Variants in BIRC6 observed in about 807,000 individuals in gnomAD.
BIRC6 encodes dual E2 ubiquitin-conjugating enzyme/E3 ubiquitin-protein ligase BIRC6.
Under a neutral mutation model 503.3 loss-of-function variants are expected in BIRC6, and 98 were observed. That is an observed-to-expected ratio of 0.19 (90% CI 0.17 to 0.23). The LOEUF is 0.23. Ranked by LOEUF, BIRC6 falls within the 10% of genes least tolerant of loss-of-function variation. The pLI is 1.00. For synonymous variants in BIRC6, 2,240 were observed against 2,078.7 expected, an observed-to-expected ratio of 1.08 and a Z score of -2.11; for missense variants, 5,360 against 5,806.0, an observed-to-expected ratio of 0.92 and a Z score of 2.50.
chr2:32,405,703 A>G (rs1360871802), intron 8 of BIRC6, among the ~76,000 whole-genome samples: 1 of 152,222 alleles, frequency 6.6e-6, no homozygotes, highest in Non-Finnish European at 1.5e-5. Context: ...CAAAATACAG[A>G]ACAAAAATAA....
intron 72 of BIRC6, among the ~76,000 whole-genome samples, chr2:32,608,904 G>A (rs910111983): frequency 7.3e-5 from 11 of 151,698 alleles, no homozygotes; most frequent in Non-Finnish European, 1.5e-4. Flanking sequence ...TTTTGAGATA[G>A]GACTTGGCTC....
chr2:32,361,935 C>G (rs2034156568), intron 1 of BIRC6, among the ~76,000 whole-genome samples: 1 of 152,160 alleles, frequency 6.6e-6, no homozygotes, highest in African/African-American at 2.4e-5. Context: ...CATTCACATA[C>G]CGGAGGACAT....
chr2:32,514,975 T>C lies in BIRC6; in HGVS notation c.10569-15T>C. 2 of 1,569,780 alleles carry C rather than the reference T, an allele frequency of 1.3e-6. No homozygotes were observed. The highest frequency in any genetic ancestry group is 1.7e-6 in the Non-Finnish European group (2 of 1,145,736). On this transcript the variant is annotated splice_polypyrimidine_tract_variant and intron_variant, in intron 54 of 73. Transcript: ENST00000421745. The stretch of plus-strand genomic sequence containing the variant: ...ATATACTTGTATCATTAATATGATA[T>C]CTTTTATTTTTTAGGTTACTTTTTA...
chr2:32,597,777 G>A lies in BIRC6; in HGVS notation c.13639G>A (p.Glu4547Lys), dbSNP rs1237289555. 3.1e-6 allele frequency: 5 copies of A among 1,613,062 alleles called. No individual in the cohort carries two copies. The highest frequency in any genetic ancestry group is 4.2e-6 in the Non-Finnish European group (5 of 1,179,108). Reference protein sequence around the residue: ...FDTFEMVSEDEDGKLGFKVNY... With the variant: ...FDTFEMVSEDKDGKLGFKVNY... ...TACGTTTGAAATGGTTTCTGAAGAT[G>A]AAGATGGGAAATTGGGATTTAAAGT... is the stretch of plus-strand genomic sequence containing the variant. The change falls in exon 69 of 74, where the codon GAA becomes AAA. Residue 4547 changes from glutamate (E) to lysine (K), a missense_variant. Physicochemically the swap from Glu to Lys is moderately conservative, Grantham distance 56 (BLOSUM62 1). This residue lies in a region of BIRC6 where 477 missense variants were observed against 574.4 expected (regional missense o/e 0.83). Transcript: ENST00000421745.
rs2035639744 is a variant in BIRC6 at position 32,369,967 on chromosome 2, T to TAG, written c.326-7620_326-7619insGA. ...AAAAATATATATATATATATATATA[T>TAG]ATATATATATATATATATGTATGTA... On this transcript the variant is annotated intron_variant, in intron 1 of 73. Transcript: ENST00000421745. Among the ~76,000 whole-genome samples the TAG allele has an allele frequency of 2.8e-4, 17 of 60,516 alleles. No individual in the cohort carries two copies. The Admixed American group carries it at 4.1e-3, about 15-fold the overall frequency. 39.7% of individuals were successfully genotyped at this position (60,516 alleles called of 152,430 possible).
chr2:32,389,953 A>G (rs932978300), intron 4 of BIRC6, among the ~76,000 whole-genome samples: 2 of 151,578 alleles, frequency 1.3e-5, no homozygotes, highest in East Asian at 3.9e-4. Context: ...TCTGCCTCCC[A>G]GATTCAAGCA....
At chr2:32,565,259 C>T (rs6756345) in intron 65 of BIRC6, 79 of 152,294 alleles carry the variant, frequency 5.2e-4, no homozygotes, top group African/African-American at 1.9e-3. Flanking sequence ...TAGAAACCAT[C>T]TATCTTGATA....
intron 6 of BIRC6, among the ~76,000 whole-genome samples, chr2:32,400,856 A>G (rs940832421): frequency 1.3e-5 from 2 of 152,152 alleles, no homozygotes; most frequent in African/African-American, 2.4e-5. Context: ...AGTTTAAACA[A>G]TTTTGTAGTA....
At chr2:32,562,788 C>T (rs958362814) in intron 65 of BIRC6, among the ~76,000 whole-genome samples, 13 of 152,038 alleles carry the variant, frequency 8.6e-5, no homozygotes, top group Non-Finnish European at 1.3e-4. Context: ...CCTTTTTTAT[C>T]GCTGAAAAAT....
At chr2:32,396,841 A>G (rs2039952127) in intron 6 of BIRC6, among the ~76,000 whole-genome samples, 1 of 151,990 alleles carries the variant, frequency 6.6e-6, no homozygotes. Context: ...CTCCTGCCTC[A>G]GCCTCCCGAG....
intron 1 of BIRC6, among the ~76,000 whole-genome samples, chr2:32,370,048 A>G (rs10194121): frequency 7.0e-5 from 10 of 143,080 alleles, no homozygotes; most frequent in African/African-American, 2.6e-4. Context: ...ATGTATATAT[A>G]TGTGTGTATG....
intron 42 of BIRC6, 147 bp from the exon 43 acceptor site, chr2:32,489,894 A>G (rs2051481406): frequency 1.7e-6 from 1 of 600,094 alleles, no homozygotes; most frequent in Non-Finnish European, 3.0e-6. Flanking sequence ...TTAATGGAGA[A>G]TTCCTTTTAT....
chr2:32,415,619 A>G lies in BIRC6; in HGVS notation c.2328A>G (p.Leu776=), dbSNP rs1277548896. 1.9e-6 allele frequency: 3 copies of G among 1,614,010 alleles called. No individual in the cohort carries two copies. The highest frequency in any genetic ancestry group is 1.7e-5 in the Admixed American group (1 of 60,026). The change falls in exon 10 of 74, where the codon CTA becomes CTG. Residue 776 remains leucine, a synonymous_variant. Coordinates refer to ENST00000421745, the MANE Select transcript of BIRC6 (RefSeq NM_016252.4). ...LNNLNKLNSA[L]CNRRKGELES... ...ATTTAAATAAATTAAACTCTGCACT[A>G]TGTAATAGACGGAAAGGTGAGCTGG...
chr2:32,542,116 C>CTATA (rs145652241), intron 61 of BIRC6, among the ~76,000 whole-genome samples: 102 of 148,134 alleles, frequency 6.9e-4, no homozygotes, highest in African/African-American at 2.4e-3. Context: ...GAAATTATGT[C>CTATA]TATATATATA....
At chr2:32,557,108 C>A (rs1447041611) in intron 65 of BIRC6, among the ~76,000 whole-genome samples, 2 of 152,114 alleles carry the variant, frequency 1.3e-5, no homozygotes, top group Non-Finnish European at 2.9e-5. Context: ...TTCTATGTGG[C>A]CTTATCTTTA....
At chr2:32,507,844 T>C in intron 50 of BIRC6, 136 bp from the exon 51 acceptor site, 1 of 738,890 alleles carries the variant, frequency 1.4e-6, no homozygotes, top group Non-Finnish European at 2.1e-6. Context: ...CAAACTATAT[T>C]TTGTTGTATA....
chr2:32,464,845 T>A, intron 25 of BIRC6, 22 bp downstream of exon 25: 2 of 1,577,036 alleles, frequency 1.3e-6, no homozygotes, highest in Non-Finnish European at 1.7e-6. Context: ...TTTAAATAGG[T>A]GTTGGCTTAG....
Position 32,618,014 on chromosome 2 carries a change from A to G in BIRC6, c.*110A>G. 3 of 1,074,830 alleles carry G rather than the reference A, an allele frequency of 2.8e-6. No homozygotes were observed. Among genetic ancestry groups the G allele is most frequent in the Non-Finnish European group, 4.0e-6 (3 of 757,872 alleles). 66.6% of individuals were successfully genotyped at this position (1,074,830 alleles called of 1,614,324 possible). A position where few individuals can be genotyped will look rare whatever the true frequency, so the allele number is the denominator to read the frequency against. ...TGTAATAGGTAATGAAACTGAAACTATACTATGCCCTTAAGGAGATCCAGT... is the reference window on the plus strand; with the variant it reads ...TGTAATAGGTAATGAAACTGAAACTGTACTATGCCCTTAAGGAGATCCAGT... On this transcript the variant is annotated 3_prime_UTR_variant, in exon 74 of 74. Coordinates refer to ENST00000421745, the MANE Select transcript of BIRC6 (RefSeq NM_016252.4).
chr2:32,542,741 G>A (rs1440726706), intron 61 of BIRC6, among the ~76,000 whole-genome samples: 3 of 152,224 alleles, frequency 2.0e-5, no homozygotes, highest in East Asian at 3.8e-4. Flanking sequence ...CTAATGTAGA[G>A]ACACTTGGCA....
Sources: allele counts gnomAD v4.1 joint callset (sites outside exome capture counted in the v4.1 genomes callset), GRCh38; gene constraint gnomAD v4.1.1; regional missense constraint gnomAD v4.1.1; transcripts MANE v1.5; gene names NCBI Gene and HGNC (gene_info 2026-07-23, HGNC 2026-07-21).